TMEM176B: variants seen among roughly 807,000 people sequenced by gnomAD.
The protein encoded by TMEM176B is transmembrane protein 176B.
Under a neutral mutation model 30.3 loss-of-function variants are expected in TMEM176B, and 28 were observed. The ratio of observed to expected loss-of-function variants is 0.92; its 90% CI spans 0.68 to 1.27. The LOEUF (loss-of-function observed/expected upper bound fraction) is 1.27. Among genes scored for constraint, TMEM176B ranks in the 50% most tolerant of loss-of-function variants. TMEM176B has a pLI of 0.00. For synonymous variants in TMEM176B, 123 were observed against 130.3 expected (o/e 0.94, Z 0.38); for missense variants, 349 against 327.4 (o/e 1.07, Z -0.51).
chr7:150,791,448 AG>A lies in TMEM176B; in HGVS notation c.*82del. ...AGGGTCTGGAGAGCGGCCATAGGGGAGGCAAGTGTGAGGAGCCAGGAGTGGG... is the reference window on the plus strand; with the variant it reads ...AGGGTCTGGAGAGCGGCCATAGGGGAGCAAGTGTGAGGAGCCAGGAGTGGG... On this transcript the variant is annotated 3_prime_UTR_variant, in exon 7 of 7. Transcript: ENST00000326442. 4.4e-6 allele frequency: 5 copies of A among 1,129,964 alleles called. No homozygotes were observed. The highest frequency in any genetic ancestry group is 6.5e-6 in the Non-Finnish European group (5 of 766,134). The allele number at this position is 1,129,964 out of a possible 1,614,324, so 70.0% of individuals were successfully genotyped here.
At chr7:150,791,968 C>A in intron 6 of TMEM176B, 88 bp downstream of exon 6, 1 of 1,573,356 alleles carries the variant, frequency 6.4e-7, no homozygotes, top group Admixed American at 1.8e-5. Flanking sequence ...GCCTCAGGTT[C>A]GGGTGCCCCT....
In TMEM176B at chr7:150,794,004, G is replaced by T; in HGVS notation, c.272C>A (p.Thr91Asn). The T allele has an allele frequency of 1.2e-6, 2 of 1,613,822 alleles. No individual in the cohort carries two copies. Among genetic ancestry groups the T allele is most frequent in the Non-Finnish European group, 1.7e-6 (2 of 1,179,874 alleles). Residue 91 changes from threonine (T) to asparagine (N), a missense_variant, in exon 3 of 7, where the codon ACT becomes AAT. Transcript: ENST00000326442. ...LGVCLSLGPW[T>N]VLSASGCAFW... is the part of the protein sequence containing the mutation. Reference sequence around the variant, plus strand: ...GGCACAGCCTGAGGCACTCAGCACAGTCCAGGGCCCCAAGCTGAGACACAC... The same window carrying T: ...GGCACAGCCTGAGGCACTCAGCACATTCCAGGGCCCCAAGCTGAGACACAC...
At chr7:150,793,012 T>C (rs1798373228) in intron 5 of TMEM176B, 76 bp downstream of exon 5, 2 of 1,437,960 alleles carry the variant, frequency 1.4e-6, no homozygotes, top group African/African-American at 1.4e-5. Context: ...CCTACATCTC[T>C]GTCCTCCAGG....
Position 150,796,665 on chromosome 7 carries a change from T to C in TMEM176B, c.-5-91A>G, listed in dbSNP as rs976607691. The C allele has an allele frequency of 3.8e-6, 5 of 1,302,320 alleles. No homozygotes were observed. The Admixed American group carries it at 5.9e-5, about 15-fold the overall frequency. The allele number at this position is 1,302,320 out of a possible 1,614,324, so 80.7% of individuals were successfully genotyped here. A position where few individuals can be genotyped will look rare whatever the true frequency, so the allele number is the denominator to read the frequency against. On this transcript the variant is annotated intron_variant, in intron 1 of 6. Coordinates refer to ENST00000326442, the MANE Select transcript of TMEM176B (RefSeq NM_001101312.2). ...GGTGAAAGGAGAGAAATAGTGTCTT[T>C]GTCAAGATCCCAGCTGGGCACAATA...
intron 6 of TMEM176B, 115 bp downstream of exon 6, chr7:150,791,941 G>C: frequency 6.9e-7 from 1 of 1,454,822 alleles, no homozygotes; most frequent in South Asian, 1.2e-5. Flanking sequence ...GAAAGAAGCT[G>C]AGGGGCACCA....
In TMEM176B at chr7:150,796,365, C is replaced by G. The variant is rs766427021; in HGVS notation, c.204+1G>C. On this transcript the variant is annotated splice_donor_variant, in intron 2 of 6. Coordinates refer to ENST00000326442, the MANE Select transcript of TMEM176B (RefSeq NM_001101312.2). LOFTEE classifies it high-confidence loss of function. ...CCAACCCCGCACCACCCCAGTCTTA[C>G]CCCTAGAGCCAGCTGCTCATAACCA... 9 of 1,613,952 alleles carry G rather than the reference C, an allele frequency of 5.6e-6. No homozygotes were observed. Among genetic ancestry groups the G allele is most frequent in the Non-Finnish European group, 7.6e-6 (9 of 1,179,944 alleles).
At chr7:150,791,973 G>T in intron 6 of TMEM176B, 83 bp downstream of exon 6, 1 of 1,582,540 alleles carries the variant, frequency 6.3e-7, no homozygotes, top group Non-Finnish European at 8.6e-7. Context: ...AGGTTCGGGT[G>T]CCCCTGGCCC....
intron 1 of TMEM176B, among the ~76,000 whole-genome samples, chr7:150,799,069 T>G (rs1019465842): frequency 6.6e-6 from 1 of 152,200 alleles, no homozygotes; most frequent in African/African-American, 2.4e-5. Flanking sequence ...ATGCTTTCAG[T>G]TTTCACTTTT....
At chr7:150,791,665 G>A in intron 6 of TMEM176B, 42 bp from the exon 7 acceptor site, 1 of 1,545,972 alleles carries the variant, frequency 6.5e-7, no homozygotes, top group Non-Finnish European at 8.9e-7. Context: ...GGAAAAGGAT[G>A]CAGGCAGAGT....
rs371647188 is a variant in TMEM176B at position 150,796,564 on chromosome 7, C to T, written c.6G>A (p.Thr2=). The T allele has an allele frequency of 2.6e-5, 42 of 1,613,664 alleles. No individual in the cohort carries two copies. Among genetic ancestry groups the T allele is most frequent in the Non-Finnish European group, 3.1e-5 (37 of 1,180,028 alleles). M[T]QNTVIVNGVA... ...CTCCATTCACAATCACCGTGTTTTG[C>T]GTCATCCTGCCTGCCAGGGAGAAGA... Residue 2 remains threonine, a synonymous_variant, in exon 2 of 7, where the codon ACG becomes ACA. Coordinates refer to ENST00000326442, the MANE Select transcript of TMEM176B (RefSeq NM_001101312.2).
At position 150,791,653 on chromosome 7, in the gene TMEM176B, G is replaced by C; in HGVS notation, c.721-30C>G. Reference sequence around the variant, plus strand: ...AAAAAAAAGAAAAAAGAAATCCTTAGGGGAAAAGGATGCAGGCAGAGTTAG... The same window carrying C: ...AAAAAAAAGAAAAAAGAAATCCTTACGGGAAAAGGATGCAGGCAGAGTTAG... On this transcript the variant is annotated intron_variant, in intron 6 of 6. Coordinates refer to ENST00000326442, the MANE Select transcript of TMEM176B (RefSeq NM_001101312.2). 4 of 1,590,940 alleles carry C rather than the reference G, an allele frequency of 2.5e-6. No individual in the cohort carries two copies. In the South Asian group the frequency reaches 4.4e-5, roughly 18 times the overall value.
At chr7:150,799,930 T>A (rs1798699642) in intron 1 of TMEM176B, 1 of 152,294 alleles carries the variant, frequency 6.6e-6, no homozygotes, top group Non-Finnish European at 1.5e-5. Context: ...CCCCGAACAC[T>A]TTCCTCTGTC....
At chr7:150,798,032 T>A (rs778778174) in intron 1 of TMEM176B, among the ~76,000 whole-genome samples, 6 of 152,228 alleles carry the variant, frequency 3.9e-5, no homozygotes, top group African/African-American at 2.4e-5. Context: ...TTGATTTTAA[T>A]CAATTTTATG....
intron 1 of TMEM176B, among the ~76,000 whole-genome samples, chr7:150,797,587 G>A (rs1032367204): frequency 2.0e-5 from 3 of 152,186 alleles, no homozygotes; most frequent in African/African-American, 7.2e-5. Flanking sequence ...GTTGCTGGTG[G>A]ATGTCCTCAC....
At position 150,793,541 on chromosome 7, in the gene TMEM176B, C is replaced by T. The variant is rs990714153; in HGVS notation, c.372+3G>A. Reference sequence around the variant, plus strand: ...AGGTGGAGAGAGGGTGTCCAAGACTCACAGCAAGTTTGCCCGGGTGCTTCT... The same window carrying T: ...AGGTGGAGAGAGGGTGTCCAAGACTTACAGCAAGTTTGCCCGGGTGCTTCT... On this transcript the variant is annotated splice_donor_region_variant and intron_variant, in intron 4 of 6. Transcript: ENST00000326442. 1.9e-6 allele frequency: 3 copies of T among 1,613,140 alleles called. No individual in the cohort carries two copies. In the Middle Eastern group the frequency reaches 5.0e-4, roughly 266 times the overall value.
chr7:150,793,870 G>T, intron 3 of TMEM176B, 91 bp downstream of exon 3: 1 of 1,205,244 alleles, frequency 8.3e-7, no homozygotes, highest in Non-Finnish European at 1.2e-6. Context: ...GACTTTGGTC[G>T]CTTCCCCAAA....
rs761794501 is a variant in TMEM176B at position 150,793,059 on chromosome 7, T to A, written c.600+29A>T. The A allele has an allele frequency of 9.9e-6, 16 of 1,609,766 alleles. No individual in the cohort carries two copies. In the Admixed American group the frequency reaches 2.7e-4, roughly 27 times the overall value. ...CCTGGGAAAAAAGAGCTGTGATGGGTCCCCGAAGACTGGACTCTTCCTGCT... is the reference window on the plus strand; with the variant it reads ...CCTGGGAAAAAAGAGCTGTGATGGGACCCCGAAGACTGGACTCTTCCTGCT... On this transcript the variant is annotated intron_variant, in intron 5 of 6. Coordinates refer to ENST00000326442, the MANE Select transcript of TMEM176B (RefSeq NM_001101312.2).
intron 5 of TMEM176B, 90 bp from the exon 6 acceptor site, chr7:150,792,265 C>T: frequency 1.3e-6 from 2 of 1,531,446 alleles, no homozygotes; most frequent in East Asian, 2.4e-5. Flanking sequence ...CAGGCACTGA[C>T]TCTATCCAGC....
At chr7:150,797,731 T>G (rs1798582883) in intron 1 of TMEM176B, among the ~76,000 whole-genome samples, 1 of 152,174 alleles carries the variant, frequency 6.6e-6, no homozygotes, top group Non-Finnish European at 1.5e-5. Context: ...CTCAAGTGAC[T>G]CGATTATGAT....
Sources: gnomAD v4.1 joint callset for allele counts (sites outside exome capture counted in the v4.1 genomes callset) on GRCh38, gnomAD v4.1.1 for gene constraint, MANE v1.5 for transcripts, NCBI Gene and HGNC (gene_info 2026-07-23, HGNC 2026-07-21) for gene names.